Variants in AFAP1 observed in about 807,000 individuals in gnomAD.
AFAP1 encodes the protein actin filament associated protein 1, also known as actin filament-associated protein 1.
A neutral mutation model predicts 93.9 loss-of-function variants in AFAP1; 75 were observed. The ratio of observed to expected loss-of-function variants is 0.80; its 90% CI spans 0.66 to 0.97. The LOEUF is 0.97. Among genes scored for constraint, AFAP1 ranks in the 50% least tolerant of loss-of-function variants. The pLI, the probability that AFAP1 is intolerant of heterozygous loss-of-function variation, is 0.00. For missense variants in AFAP1, 1,201 were observed against 1,050.8 expected (o/e 1.14, Z -1.98); for synonymous variants, 517 against 430.7 (o/e 1.20, Z -2.48).
At chr4:7,925,433 C>G (rs905542248) in intron 1 of AFAP1, among the ~76,000 whole-genome samples, 4 of 152,236 alleles carry the variant, frequency 2.6e-5, no homozygotes, top group African/African-American at 7.2e-5. Flanking sequence ...GTGGCCTTGG[C>G]TGGGCATGGT....
intron 1 of AFAP1, among the ~76,000 whole-genome samples, chr4:7,920,284 A>G (rs1435926458): frequency 2.6e-5 from 4 of 152,220 alleles, no homozygotes; most frequent in Non-Finnish European, 4.4e-5. Flanking sequence ...GCCATTTTGA[A>G]TTGAATGGTG....
At chr4:7,928,904 G>C (rs188758424) in intron 1 of AFAP1, among the ~76,000 whole-genome samples, 69 of 152,358 alleles carry the variant, frequency 4.5e-4, no homozygotes, top group African/African-American at 1.6e-3. Context: ...GTCAGTGGCA[G>C]AGCCAGCATG....
chr4:7,772,573 G>A, intron 16 of AFAP1: 1 of 508,654 alleles, frequency 2.0e-6, no homozygotes, highest in East Asian at 3.3e-5. Context: ...TGTGCAAAGG[G>A]GAAAGACACA....
At chr4:7,838,370 T>A (rs78850428) in intron 6 of AFAP1, among the ~76,000 whole-genome samples, 154 bp downstream of exon 6, 2,270 of 152,328 alleles carry the variant, frequency 0.015, 33 homozygotes, top group South Asian at 0.06. Context: ...TTAACCTCCA[T>A]GTCATCAGAA....
chr4:7,822,781 G>C (rs920733080), intron 6 of AFAP1, among the ~76,000 whole-genome samples: 3 of 148,302 alleles, frequency 2.0e-5, no homozygotes, highest in African/African-American at 7.5e-5. Context: ...TTTTAGTAGA[G>C]ACGGGGTTTC....
intron 9 of AFAP1, among the ~76,000 whole-genome samples, chr4:7,801,936 A>C (rs952092574): frequency 1.4e-4 from 21 of 151,126 alleles, no homozygotes; most frequent in South Asian, 4.2e-4. Flanking sequence ...AAAAAAAAAA[A>C]AAAAAACTAA....
chr4:7,851,941 T>C (rs1714486186), intron 4 of AFAP1, among the ~76,000 whole-genome samples: 1 of 152,192 alleles, frequency 6.6e-6, no homozygotes, highest in African/African-American at 2.4e-5. Context: ...CCCACACCAT[T>C]GCTTCTGACC....
chr4:7,763,862 C>T, intron 17 of AFAP1, 71 bp from the exon 18 acceptor site: 1 of 1,486,984 alleles, frequency 6.7e-7, no homozygotes, highest in Non-Finnish European at 9.2e-7. Context: ...CGCCACCATC[C>T]ACATTCAACT....
chr4:7,768,532 A>G (rs1164154374), intron 17 of AFAP1, among the ~76,000 whole-genome samples: 1 of 152,056 alleles, frequency 6.6e-6, no homozygotes, highest in African/African-American at 2.4e-5. Context: ...TCTCCACCGC[A>G]CCACTGAGAA....
intron 1 of AFAP1, among the ~76,000 whole-genome samples, chr4:7,896,271 G>C (rs1323578148): frequency 6.6e-6 from 1 of 152,008 alleles, no homozygotes; most frequent in African/African-American, 2.4e-5. Flanking sequence ...ATACACCTTT[G>C]GTTTTCCAGC....
intron 1 of AFAP1, among the ~76,000 whole-genome samples, chr4:7,917,939 T>C (rs1395333713): frequency 6.6e-6 from 1 of 152,174 alleles, no homozygotes; most frequent in Admixed American, 6.5e-5. Flanking sequence ...CGACTGTCAT[T>C]CTACTTATAA....
intron 1 of AFAP1, among the ~76,000 whole-genome samples, chr4:7,893,806 C>T (rs1186655652): frequency 1.3e-5 from 2 of 152,074 alleles, no homozygotes; most frequent in African/African-American, 4.8e-5. Flanking sequence ...GGCCATGGGT[C>T]GCACTTTGAG....
chr4:7,871,591 C>G lies in AFAP1; in HGVS notation c.127+361G>C, dbSNP rs112837634. Among the ~76,000 whole-genome samples, 319 of 152,354 alleles carry G rather than the reference C, an allele frequency of 2.1e-3. 1 individual carries two copies. The highest frequency in any genetic ancestry group is 7.2e-3 in the African/African-American group (298 of 41,584). On this transcript the variant is annotated intron_variant, in intron 2 of 17. Transcript: ENST00000420658. ...CCTCCATGTTCCGCCTACATCTTCT[C>G]CCTTCCGATCTGCCAGTCGGACTGT...
At chr4:7,891,238 G>A (rs1718451110) in intron 1 of AFAP1, among the ~76,000 whole-genome samples, 1 of 152,242 alleles carries the variant, frequency 6.6e-6, no homozygotes, top group South Asian at 2.1e-4. Flanking sequence ...TGCAGGGCCA[G>A]GAAGCAGATG....
intron 1 of AFAP1, among the ~76,000 whole-genome samples, chr4:7,926,281 A>G (rs1393819046): frequency 6.6e-6 from 1 of 151,760 alleles, no homozygotes. Context: ...TACATGTGCC[A>G]TAATATCTAA....
At chr4:7,779,579 T>A (rs530765853) in intron 13 of AFAP1, among the ~76,000 whole-genome samples, 29 of 152,354 alleles carry the variant, frequency 1.9e-4, no homozygotes, top group African/African-American at 6.0e-4. Context: ...CACTCCAGCA[T>A]CCACGCCCAC....
intron 3 of AFAP1, among the ~76,000 whole-genome samples, chr4:7,860,152 T>C (rs1006028315): frequency 6.4e-5 from 9 of 139,586 alleles, no homozygotes; most frequent in Admixed American, 5.4e-4. Context: ...AAATAAATAA[T>C]TGTTTGTAAA....
At chr4:7,842,628 T>C (rs1395471245) in intron 5 of AFAP1, 1 of 154,232 alleles carries the variant, frequency 6.5e-6, no homozygotes, top group African/African-American at 2.4e-5. Flanking sequence ...AAGGTCCAGG[T>C]TCTCGCCTTC....
At chr4:7,936,884 A>T (rs1221601123) in intron 1 of AFAP1, among the ~76,000 whole-genome samples, 2 of 152,148 alleles carry the variant, frequency 1.3e-5, no homozygotes, top group Admixed American at 6.6e-5. Context: ...CCTGGCCACA[A>T]GTGGTAATTT....
Sources: gnomAD v4.1 joint callset for allele counts (sites outside exome capture counted in the v4.1 genomes callset) on GRCh38, gnomAD v4.1.1 for gene constraint, MANE v1.5 for transcripts, NCBI Gene and HGNC (gene_info 2026-07-23, HGNC 2026-07-21) for gene names.